The following DLGAP2 variants were observed in gnomAD, a reference collection of about 807,000 sequenced individuals.
DLGAP2 encodes disks large-associated protein 2.
Under a neutral mutation model 100.3 loss-of-function variants are expected in DLGAP2, and 26 were observed. The observed-to-expected ratio is 0.26, with a 90% CI of 0.19 to 0.36. The LOEUF is 0.36. DLGAP2 is among the 10% of genes least tolerant of loss of function. The pLI is 1.00. For synonymous variants in DLGAP2, 886 were observed against 630.1 expected (o/e 1.41, Z -6.08); for missense variants, 1,858 against 1,453.2 (o/e 1.28, Z -4.53).
intron 3 of DLGAP2, among the ~76,000 whole-genome samples, chr8:1,286,921 C>A (rs7837388): frequency 6.6e-6 from 1 of 152,150 alleles, no homozygotes; most frequent in East Asian, 1.9e-4. Context: ...ACAATGAGGG[C>A]TTATGCTTGA....
chr8:1,191,379 C>G (rs961290772), intron 2 of DLGAP2, among the ~76,000 whole-genome samples: 1 of 152,084 alleles, frequency 6.6e-6, no homozygotes, highest in African/African-American at 2.4e-5. Context: ...ACCGTGTTAG[C>G]CAGGATGGTC....
intron 2 of DLGAP2, among the ~76,000 whole-genome samples, chr8:931,805 C>T (rs1798965129): frequency 6.6e-6 from 1 of 152,172 alleles, no homozygotes; most frequent in African/African-American, 2.4e-5. Flanking sequence ...AGTCTTATGA[C>T]ATCCTTGATC....
chr8:1,361,454 T>G (rs993198988), intron 3 of DLGAP2, among the ~76,000 whole-genome samples: 1 of 152,200 alleles, frequency 6.6e-6, no homozygotes, highest in Non-Finnish European at 1.5e-5. Flanking sequence ...ATCTCTGTAG[T>G]TTTTCCCCTT....
chr8:1,543,530 T>C (rs1801432022), intron 4 of DLGAP2, among the ~76,000 whole-genome samples: 1 of 152,238 alleles, frequency 6.6e-6, no homozygotes, highest in Non-Finnish European at 1.5e-5. Context: ...TTCAGTTCCA[T>C]GGGTCCATGT....
intron 3 of DLGAP2, among the ~76,000 whole-genome samples, chr8:1,382,522 G>A (rs1796119847): frequency 6.6e-6 from 1 of 152,196 alleles, no homozygotes; most frequent in Non-Finnish European, 1.5e-5. Flanking sequence ...AATTGCTTGA[G>A]CCCAGGAGTT....
chr8:822,490 C>G (rs1796602104), intron 1 of DLGAP2, among the ~76,000 whole-genome samples: 1 of 152,214 alleles, frequency 6.6e-6, no homozygotes, highest in African/African-American at 2.4e-5. Context: ...CACAGTGTTT[C>G]TGCTGTTATC....
At chr8:955,360 C>T (rs1242993015) in intron 2 of DLGAP2, among the ~76,000 whole-genome samples, 1 of 152,156 alleles carries the variant, frequency 6.6e-6, no homozygotes, top group Non-Finnish European at 1.5e-5. Context: ...ATGTCAGAAG[C>T]AGGTGCGTCG....
chr8:1,277,960 A>C (rs1434953198), intron 3 of DLGAP2, among the ~76,000 whole-genome samples: 1 of 152,174 alleles, frequency 6.6e-6, no homozygotes. Context: ...ATTGGTAGGG[A>C]GTTGGTAGGG....
chr8:1,276,051 T>C (rs1443761248), intron 3 of DLGAP2, among the ~76,000 whole-genome samples: 3 of 138,694 alleles, frequency 2.2e-5, no homozygotes, highest in Non-Finnish European at 3.0e-5. Flanking sequence ...TAAAAATATA[T>C]AATATATAAA....
At chr8:1,359,760 G>A (rs1000784033) in intron 3 of DLGAP2, among the ~76,000 whole-genome samples, 2 of 152,240 alleles carry the variant, frequency 1.3e-5, no homozygotes, top group Admixed American at 1.3e-4. Flanking sequence ...ATTGGAGGGA[G>A]GGCATTAGTA....
chr8:1,437,813 C>CAAAAAAAAAA (rs59165125), intron 3 of DLGAP2, among the ~76,000 whole-genome samples: 171 of 84,682 alleles, frequency 2.0e-3, no homozygotes, highest in African/African-American at 2.9e-3. Context: ...ACTAAAAATA[C>CAAAAAAAAAA]AAAAAAAAAA....
At chr8:1,277,660 T>C (rs1202114194) in intron 3 of DLGAP2, among the ~76,000 whole-genome samples, 1 of 152,126 alleles carries the variant, frequency 6.6e-6, no homozygotes, top group Non-Finnish European at 1.5e-5. Flanking sequence ...TATCCAAGTG[T>C]TATCCGAAAT....
chr8:1,466,596 C>T (rs1163589354), intron 3 of DLGAP2, among the ~76,000 whole-genome samples: 1 of 151,984 alleles, frequency 6.6e-6, no homozygotes, highest in Non-Finnish European at 1.5e-5. Flanking sequence ...TCAGTACTTT[C>T]CAGAACTCTC....
At chr8:980,580 G>A (rs1800302729) in intron 2 of DLGAP2, among the ~76,000 whole-genome samples, 2 of 152,186 alleles carry the variant, frequency 1.3e-5, no homozygotes, top group African/African-American at 2.4e-5. Context: ...TGTGAAACAC[G>A]TGCTGTGTGC....
chr8:1,029,160 C>T (rs1236414820), intron 2 of DLGAP2, among the ~76,000 whole-genome samples: 1 of 152,148 alleles, frequency 6.6e-6, no homozygotes, highest in African/African-American at 2.4e-5. Flanking sequence ...TGCCTGTGAT[C>T]TTGAGTCTAG....
intron 2 of DLGAP2, chr8:1,032,673 C>G (rs1802008905): frequency 6.6e-6 from 1 of 152,140 alleles, no homozygotes; most frequent in Non-Finnish European, 1.5e-5. Context: ...ATATTTGAGT[C>G]TGTTATTCTT....
chr8:743,927 C>G (rs1222484070), intron 1 of DLGAP2, among the ~76,000 whole-genome samples: 1 of 152,258 alleles, frequency 6.6e-6, no homozygotes, highest in African/African-American at 2.4e-5. Context: ...ACTCACTAAG[C>G]TACTGTGGTT....
At chr8:1,381,806 TG>T (rs1796102067) in intron 3 of DLGAP2, among the ~76,000 whole-genome samples, 1 of 151,266 alleles carries the variant, frequency 6.6e-6, no homozygotes, top group Non-Finnish European at 1.5e-5. Flanking sequence ...TGTGTGTGTG[TG>T]TGTGTGTGTG....
At chr8:1,227,153 G>GATATATATATATATACTAT in intron 2 of DLGAP2, among the ~76,000 whole-genome samples, 1 of 89,746 alleles carries the variant, frequency 1.1e-5, no homozygotes, top group African/African-American at 6.5e-5. Context: ...GAAACTGTGA[G>GATATATATATATATACTAT]ATATATATAT....
Sources: gnomAD v4.1 joint callset for allele counts (sites outside exome capture counted in the v4.1 genomes callset) on GRCh38, gnomAD v4.1.1 for gene constraint, MANE v1.5 for transcripts, NCBI Gene and HGNC (gene_info 2026-07-23, HGNC 2026-07-21) for gene names.